Variants in ARHGEF10 observed in about 807,000 individuals in gnomAD.
ARHGEF10 encodes Rho guanine nucleotide exchange factor 10, also known as Rho guanine nucleotide exchange factor (GEF) 10.
A neutral mutation model predicts 147.4 loss-of-function variants in ARHGEF10; 140 were observed. The observed-to-expected ratio is 0.95, with a 90% CI of 0.83 to 1.09. The LOEUF is 1.09. Among genes scored for constraint, ARHGEF10 ranks in the 50% least tolerant of loss-of-function variants. The pLI is 0.00. For missense variants in ARHGEF10, 2,222 were observed against 1,752.7 expected (o/e 1.27, Z -4.78); for synonymous variants, 902 against 695.8 (o/e 1.30, Z -4.67).
At chr8:1,842,802 A>G (rs1448033793) in intron 1 of ARHGEF10, among the ~76,000 whole-genome samples, 2 of 152,220 alleles carry the variant, frequency 1.3e-5, no homozygotes, top group Non-Finnish European at 2.9e-5. Context: ...GGGAAACACG[A>G]AGTGTAGACA....
chr8:1,838,348 G>A lies in ARHGEF10; in HGVS notation c.-47-5005G>A, dbSNP rs1018394588. Among the ~76,000 whole-genome samples, 6 of 152,248 alleles carry A rather than the reference G, an allele frequency of 3.9e-5. No homozygotes were observed. In the East Asian group the frequency reaches 7.7e-4, roughly 20 times the overall value. On this transcript the variant is annotated intron_variant, in intron 1 of 28. Transcript: ENST00000349830. ...TTGGGAGATGCTCCAGCCATGGAAC[G>A]TACTCTTCTTCCATCCGTCTCTGAG...
At chr8:1,830,676 G>T (rs984114117) in intron 1 of ARHGEF10, among the ~76,000 whole-genome samples, 71 of 152,344 alleles carry the variant, frequency 4.7e-4, no homozygotes, top group African/African-American at 1.5e-3. Context: ...GCCCTGGGGG[G>T]CTGGCACCCT....
chr8:1,935,985 G>T (rs1432431659), intron 26 of ARHGEF10, among the ~76,000 whole-genome samples: 2 of 152,358 alleles, frequency 1.3e-5, no homozygotes, highest in East Asian at 3.9e-4. Flanking sequence ...GCCGTGTGAC[G>T]TGCCAGCGTG....
intron 24 of ARHGEF10, among the ~76,000 whole-genome samples, chr8:1,928,887 A>G (rs1812893554): frequency 6.6e-6 from 1 of 152,236 alleles, no homozygotes; most frequent in Non-Finnish European, 1.5e-5. Flanking sequence ...TAAAGGGGAC[A>G]GTTTGGCTGT....
chr8:1,957,875 A>G lies in ARHGEF10; in HGVS notation c.*612A>G, dbSNP rs898967267. The G allele has an allele frequency of 6.6e-6, 1 of 152,314 alleles. No individual in the cohort carries two copies. The highest frequency in any genetic ancestry group is 1.5e-5 in the Non-Finnish European group (1 of 68,130). 9.4% of individuals were successfully genotyped at this position (152,314 alleles called of 1,614,324 possible). A position where few individuals can be genotyped will look rare whatever the true frequency, so the allele number is the denominator to read the frequency against. On this transcript the variant is annotated 3_prime_UTR_variant, in exon 29 of 29. Coordinates refer to ENST00000349830, the MANE Select transcript of ARHGEF10 (RefSeq NM_014629.4). ...GTGTACTGTATATTTTAACAAAGTAATATTTTTGTATTGCATTTTTCTATT... is the reference window on the plus strand; with the variant it reads ...GTGTACTGTATATTTTAACAAAGTAGTATTTTTGTATTGCATTTTTCTATT...
chr8:1,849,318 G>C (rs547541111), intron 2 of ARHGEF10, among the ~76,000 whole-genome samples: 1 of 150,978 alleles, frequency 6.6e-6, no homozygotes, highest in Non-Finnish European at 1.5e-5. Context: ...AGGGCATGGG[G>C]CAGCCACGTG....
intron 12 of ARHGEF10, 78 bp downstream of exon 12, chr8:1,893,724 C>A: frequency 8.6e-7 from 1 of 1,167,962 alleles, no homozygotes; most frequent in East Asian, 2.4e-5. Flanking sequence ...TCCATAAATG[C>A]AAAGCATATA....
chr8:1,926,452 G>A lies in ARHGEF10; in HGVS notation c.2686G>A (p.Gly896Ser). 3 of 1,613,886 alleles carry A rather than the reference G, an allele frequency of 1.9e-6. No homozygotes were observed. Among genetic ancestry groups the A allele is most frequent in the Non-Finnish European group, 2.5e-6 (3 of 1,179,782 alleles). Reference protein sequence around the residue: ...SQPDSFSTAHGFLWIGSCTHQ... With the variant: ...SQPDSFSTAHSFLWIGSCTHQ... ...GCCAGATTCATTTTCCACGGCACAT[G>A]GTTTCCTGTGGGTAAGATGTGTTTA... The change falls in exon 23 of 29, where the codon GGT becomes AGT. Residue 896 changes from glycine to serine, a missense_variant. Physicochemically the swap from Gly to Ser is moderately conservative, Grantham distance 56. Transcript: ENST00000349830.
At chr8:1,905,078 G>A (rs546275962) in intron 16 of ARHGEF10, among the ~76,000 whole-genome samples, 52 of 152,316 alleles carry the variant, frequency 3.4e-4, no homozygotes, top group African/African-American at 1.3e-3. Context: ...GCAGTGAGTT[G>A]AGATTGTGCG....
intron 1 of ARHGEF10, among the ~76,000 whole-genome samples, chr8:1,841,381 A>G (rs1240219041): frequency 1.3e-5 from 2 of 152,332 alleles, no homozygotes; most frequent in East Asian, 1.9e-4. Context: ...CGATTTTGGA[A>G]AGCAGAAAGG....
chr8:1,904,399 T>G (rs189840013), intron 16 of ARHGEF10: 2 of 152,320 alleles, frequency 1.3e-5, no homozygotes, highest in African/African-American at 4.8e-5. Context: ...GTTTTGTCAT[T>G]AGGAGTAGTT....
At chr8:1,895,786 A>C (rs1272701623) in intron 13 of ARHGEF10, among the ~76,000 whole-genome samples, 1 of 152,210 alleles carries the variant, frequency 6.6e-6, no homozygotes, top group Non-Finnish European at 1.5e-5. Context: ...CTCTCTTTGA[A>C]TATTGATAGC....
At chr8:1,920,821 G>T (rs1398456774) in intron 18 of ARHGEF10, among the ~76,000 whole-genome samples, 1 of 151,876 alleles carries the variant, frequency 6.6e-6, no homozygotes, top group African/African-American at 2.4e-5. Flanking sequence ...TTTAGCTCTT[G>T]TTGCCCAGGC....
At chr8:1,841,164 C>G (rs891793339) in intron 1 of ARHGEF10, among the ~76,000 whole-genome samples, 1 of 152,250 alleles carries the variant, frequency 6.6e-6, no homozygotes, top group Non-Finnish European at 1.5e-5. Flanking sequence ...GTGAGTGTCT[C>G]AAGTCTCCCA....
At position 1,905,612 on chromosome 8, in the gene ARHGEF10, TATG is replaced by T. The variant is rs1163547488; in HGVS notation, c.1866_1868del (p.Met622del). The T allele has an allele frequency of 6.2e-7, 1 of 1,614,208 alleles. No individual in the cohort carries two copies. The highest frequency in any genetic ancestry group is 1.3e-5 in the African/African-American group (1 of 75,050). On this transcript the variant is annotated inframe_deletion, in exon 17 of 29. Transcript: ENST00000349830. ...GCCGATACCTCATTCGATCAGATGA[TATG>T]ATAGAAACAGTTTACAACGACAGAG... is the stretch of plus-strand genomic sequence containing the variant.
chr8:1,848,073 G>C (rs1044894083), intron 2 of ARHGEF10, among the ~76,000 whole-genome samples: 2 of 152,170 alleles, frequency 1.3e-5, no homozygotes, highest in Admixed American at 1.3e-4. Context: ...CAGGGTGCTG[G>C]GACCAGAGCC....
At chr8:1,845,305 C>T (rs113327267) in intron 2 of ARHGEF10, among the ~76,000 whole-genome samples, 1,586 of 152,376 alleles carry the variant, frequency 0.01, 27 homozygotes, top group African/African-American at 0.037. Context: ...CCCCTCCCGC[C>T]TCCCTGCTTT....
rs371620665 is a variant in ARHGEF10, at chr8:1,909,916, C to T, written c.2143+446C>T. Among the ~76,000 whole-genome samples, 9 of 152,186 alleles carry T rather than the reference C, an allele frequency of 5.9e-5. 1 individual carries two copies. The highest frequency in any genetic ancestry group is 2.2e-4 in the African/African-American group (9 of 41,436). On this transcript the variant is annotated intron_variant, in intron 18 of 28. Coordinates refer to ENST00000349830, the MANE Select transcript of ARHGEF10 (RefSeq NM_014629.4). ...GCTGGGCAGCGTTGTGATGTCTTTA[C>T]TCAGTTTCCCCATGGAGGCAGTGCT...
intron 18 of ARHGEF10, among the ~76,000 whole-genome samples, chr8:1,912,358 C>T (rs917735879): frequency 2.6e-5 from 4 of 151,556 alleles, no homozygotes; most frequent in African/African-American, 4.9e-5. Context: ...GGAAGCTCGC[C>T]GTCCCTGCAA....
Sources: gnomAD v4.1 joint callset for allele counts (sites outside exome capture counted in the v4.1 genomes callset) on GRCh38, gnomAD v4.1.1 for gene constraint, MANE v1.5 for transcripts, NCBI Gene and HGNC (gene_info 2026-07-23, HGNC 2026-07-21) for gene names.